The following GALNT13 variants were observed in gnomAD, a reference collection of about 807,000 sequenced individuals.
The protein encoded by GALNT13 is UDP-GalNAc:polypeptide N-acetylgalactosaminyltransferase 13.
In GALNT13, 28 loss-of-function variants were observed where a neutral mutation model predicts 64.2. The ratio of observed to expected loss-of-function variants is 0.44; its 90% CI spans 0.32 to 0.60. The LOEUF (loss-of-function observed/expected upper bound fraction) is 0.60, where lower values mean the gene tolerates loss of function less well. Ranked by LOEUF, GALNT13 falls within the 20% of genes least tolerant of loss-of-function variation. GALNT13 has a pLI of 0.05. For synonymous variants in GALNT13, 214 were observed against 224.6 expected (o/e 0.95, Z 0.42); for missense variants, 577 against 669.8 (o/e 0.86, Z 1.53).
At chr2:154,207,007 C>G (rs904394662) in intron 4 of GALNT13, among the ~76,000 whole-genome samples, 16 of 152,074 alleles carry the variant, frequency 1.1e-4, no homozygotes, top group African/African-American at 3.9e-4. Flanking sequence ...TCCTGTTATC[C>G]TTCTCTCCAT....
the GALNT13 span, among the ~76,000 whole-genome samples, chr2:153,149,052 G>A: frequency 6.6e-6 from 1 of 151,844 alleles, no homozygotes; most frequent in African/African-American, 2.4e-5. Flanking sequence ...ATCTAATGAT[G>A]TGGGACATGA....
intron 9 of GALNT13, among the ~76,000 whole-genome samples, chr2:154,336,937 G>T (rs1695475694): frequency 6.6e-6 from 1 of 151,814 alleles, no homozygotes; most frequent in African/African-American, 2.4e-5. Flanking sequence ...TCAATTTTTT[G>T]AATAATATCT....
the GALNT13 span, among the ~76,000 whole-genome samples, chr2:153,557,449 C>A: frequency 6.6e-6 from 1 of 152,176 alleles, no homozygotes; most frequent in Non-Finnish European, 1.5e-5. Context: ...TACCTCACTT[C>A]CATCCTCGCC....
At chr2:153,079,861 C>T in the GALNT13 span, among the ~76,000 whole-genome samples, 2 of 152,124 alleles carry the variant, frequency 1.3e-5, no homozygotes, top group Non-Finnish European at 2.9e-5. Context: ...GCGCTATGGG[C>T]AAGGTGTTTT....
chr2:154,249,342 G>A (rs1464942848), intron 7 of GALNT13, among the ~76,000 whole-genome samples: 1 of 152,172 alleles, frequency 6.6e-6, no homozygotes, highest in Non-Finnish European at 1.5e-5. Context: ...CTGGCCACAG[G>A]TATGCTCGAT....
chr2:153,154,364 C>T, the GALNT13 span, among the ~76,000 whole-genome samples: 2 of 152,152 alleles, frequency 1.3e-5, no homozygotes, highest in African/African-American at 2.4e-5. Flanking sequence ...AAGTCCTCCC[C>T]AGTGATGTGG....
chr2:153,331,764 A>G, the GALNT13 span, among the ~76,000 whole-genome samples: 6 of 152,078 alleles, frequency 3.9e-5, no homozygotes, highest in Non-Finnish European at 8.8e-5. Context: ...CATACCCAAG[A>G]TCAATACTTT....
chr2:153,991,731 A>G (rs1695169041), intron 3 of GALNT13, among the ~76,000 whole-genome samples: 1 of 152,282 alleles, frequency 6.6e-6, no homozygotes, highest in East Asian at 1.9e-4. Flanking sequence ...AGGCTTGACT[A>G]TATTTAATTC....
At chr2:153,833,850 G>C in the GALNT13 span, among the ~76,000 whole-genome samples, 56 of 152,102 alleles carry the variant, frequency 3.7e-4, no homozygotes, top group Middle Eastern at 3.4e-3. Flanking sequence ...ATTTTGGCAC[G>C]TCTCAAAATA....
the GALNT13 span, among the ~76,000 whole-genome samples, chr2:153,144,614 A>T: frequency 6.6e-6 from 1 of 152,056 alleles, no homozygotes; most frequent in South Asian, 2.1e-4. Context: ...TCAGGAAGTG[A>T]CTGGCATAAT....
At chr2:153,289,869 T>C in the GALNT13 span, among the ~76,000 whole-genome samples, 12 of 152,232 alleles carry the variant, frequency 7.9e-5, no homozygotes, top group African/African-American at 2.9e-4. Context: ...GAATCCTATT[T>C]TCACATGTTT....
At chr2:154,049,147 A>G (rs1699441425) in intron 3 of GALNT13, among the ~76,000 whole-genome samples, 2 of 151,826 alleles carry the variant, frequency 1.3e-5, no homozygotes, top group African/African-American at 4.8e-5. Flanking sequence ...GTTGCCATTC[A>G]TTACTCTTTT....
intron 3 of GALNT13, among the ~76,000 whole-genome samples, chr2:153,984,528 A>G (rs1013392629): frequency 6.6e-6 from 1 of 151,734 alleles, no homozygotes; most frequent in Admixed American, 6.6e-5. Flanking sequence ...TTTATGTTAG[A>G]TCAACCATCT....
At chr2:153,879,381 T>TGTGC (rs1491539326) in intron 1 of GALNT13, among the ~76,000 whole-genome samples, 3 of 144,156 alleles carry the variant, frequency 2.1e-5, no homozygotes, top group Non-Finnish European at 3.1e-5. Flanking sequence ...TGTGTGTGTG[T>TGTGC]GCATGTGTGT....
At chr2:153,806,704 G>A in the GALNT13 span, among the ~76,000 whole-genome samples, 5 of 150,042 alleles carry the variant, frequency 3.3e-5, no homozygotes, top group Non-Finnish European at 5.9e-5. Flanking sequence ...AAAATAGGCA[G>A]AGGAACATAC....
intron 3 of GALNT13, among the ~76,000 whole-genome samples, chr2:154,009,169 C>CTTTTTTTTT (rs146389666): frequency 7.0e-6 from 1 of 143,690 alleles, no homozygotes; most frequent in African/African-American, 2.6e-5. Flanking sequence ...TCCATTGCTT[C>CTTTTTTTTT]TTTTTTTTTC....
At chr2:153,117,796 C>G in the GALNT13 span, among the ~76,000 whole-genome samples, 2 of 152,150 alleles carry the variant, frequency 1.3e-5, no homozygotes, top group South Asian at 4.1e-4. Context: ...CTCCCTTCCA[C>G]TAACTTGGTT....
At chr2:153,891,333 A>G (rs760353620) in intron 1 of GALNT13, among the ~76,000 whole-genome samples, 1 of 152,012 alleles carries the variant, frequency 6.6e-6, no homozygotes, top group African/African-American at 2.4e-5. Context: ...CTGCCTTTCT[A>G]CTTGCTATAA....
intron 3 of GALNT13, among the ~76,000 whole-genome samples, chr2:154,078,635 TTTACATA>T (rs141785691): frequency 0.047 from 7,065 of 151,756 alleles, 213 homozygotes; most frequent in South Asian, 0.11. Flanking sequence ...TCCTGTTTGC[TTTACATA>T]TTACATATGA....
Sources: gnomAD v4.1 joint callset for allele counts (sites outside exome capture counted in the v4.1 genomes callset) on GRCh38, gnomAD v4.1.1 for gene constraint, MANE v1.5 for transcripts, NCBI Gene and HGNC (gene_info 2026-07-23, HGNC 2026-07-21) for gene names.